Variants in PDHX observed in about 807,000 individuals in gnomAD.
PDHX encodes the protein pyruvate dehydrogenase complex component X, also known as pyruvate dehydrogenase protein X component, mitochondrial.
PDHX carries 33 observed loss-of-function variants against 55.3 expected under a neutral mutation model. The ratio of observed to expected loss-of-function variants is 0.60; its 90% CI spans 0.45 to 0.80. The LOEUF is 0.80. Ranked by LOEUF, PDHX falls within the 30% of genes least tolerant of loss-of-function variation. The probability of loss-of-function intolerance (pLI) is 0.00; values close to 1 mark genes in which losing one functional copy is unlikely to be tolerated. For synonymous variants in PDHX, 226 were observed against 219.4 expected (o/e 1.03, Z -0.27); for missense variants, 622 against 619.9 (o/e 1.00, Z -0.04).
At chr11:34,979,715 T>C (rs1855466282) in intron 8 of PDHX, among the ~76,000 whole-genome samples, 1 of 152,148 alleles carries the variant, frequency 6.6e-6, no homozygotes, top group Non-Finnish European at 1.5e-5. Context: ...TAATTGTGAA[T>C]CATTTTTGCA....
chr11:34,967,990 C>G (rs903051244), intron 6 of PDHX, among the ~76,000 whole-genome samples: 1 of 152,090 alleles, frequency 6.6e-6, no homozygotes, highest in African/African-American at 2.4e-5. Context: ...TTATTCAAGG[C>G]TGGGTGTGGT....
Position 34,992,434 on chromosome 11 carries a change from A to C in PDHX, c.1247+55A>C, listed in dbSNP as rs1855774854. The C allele has an allele frequency of 3.3e-6, 3 of 896,852 alleles. No homozygotes were observed. The South Asian group carries it at 4.1e-5, about 12-fold the overall frequency. The allele number at this position is 896,852 out of a possible 1,614,324, so 55.6% of individuals were successfully genotyped here. A position where few individuals can be genotyped will look rare whatever the true frequency, so the allele number is the denominator to read the frequency against. On this transcript the variant is annotated intron_variant, in intron 10 of 10. Coordinates refer to ENST00000227868, the MANE Select transcript of PDHX (RefSeq NM_003477.3). ...CATCAAACAGATAGATGTAAGACTT[A>C]TAAAGTCCCTGTCAGCCTTTCATTT...
At chr11:34,917,254 G>A (rs1853749851) in intron 1 of PDHX, among the ~76,000 whole-genome samples, 1 of 152,178 alleles carries the variant, frequency 6.6e-6, no homozygotes, top group Admixed American at 6.5e-5. Flanking sequence ...CTGTTAGGAG[G>A]TGTTTTCATT....
At chr11:34,932,734 G>T (rs749990441) in intron 2 of PDHX, among the ~76,000 whole-genome samples, 5 of 152,102 alleles carry the variant, frequency 3.3e-5, no homozygotes, top group African/African-American at 1.2e-4. Flanking sequence ...GCTCTACTTC[G>T]AGGGATTTGT....
intron 3 of PDHX, among the ~76,000 whole-genome samples, chr11:34,952,370 G>A (rs374170535): frequency 2.0e-5 from 3 of 151,936 alleles, no homozygotes; most frequent in Non-Finnish European, 2.9e-5. Flanking sequence ...TACCAAAGCC[G>A]GGCAGAGACA....
At chr11:34,985,466 G>C (rs1325233922) in intron 9 of PDHX, among the ~76,000 whole-genome samples, 1 of 152,172 alleles carries the variant, frequency 6.6e-6, no homozygotes, top group East Asian at 1.9e-4. Flanking sequence ...TAATGTTCCA[G>C]AGGCAAAGTT....
Position 34,960,315 on chromosome 11 carries a change from T to G in PDHX, c.543-105T>G, listed in dbSNP as rs888242649. 8.0e-6 allele frequency: 6 copies of G among 751,732 alleles called. No individual in the cohort carries two copies. The African/African-American group carries it at 1.0e-4, about 13-fold the overall frequency. The allele number at this position is 751,732 out of a possible 1,614,324, so 46.6% of individuals were successfully genotyped here. The stretch of plus-strand genomic sequence containing the variant: ...TCTGTGGGAGTCATTTTAGCTTTAT[T>G]ATAAGATTTTTTTTTAATTATTTGC... On this transcript the variant is annotated intron_variant, in intron 4 of 10. Coordinates refer to ENST00000227868, the MANE Select transcript of PDHX (RefSeq NM_003477.3).
intron 8 of PDHX, 75 bp downstream of exon 8, chr11:34,978,257 A>T (rs984537219): frequency 6.9e-6 from 6 of 863,460 alleles, no homozygotes; most frequent in Non-Finnish European, 1.2e-5. Context: ...TGACAAATAG[A>T]ACTCTTATTT....
rs1189314248 is a variant in PDHX, at chr11:34,916,697, G to T, written c.42G>T (p.Leu14=). The change falls in exon 1 of 11, where the codon CTG becomes CTT. Residue 14 remains leucine, a synonymous_variant. Coordinates refer to ENST00000227868, the MANE Select transcript of PDHX (RefSeq NM_003477.3). The part of the protein sequence containing the change: ...SWRLGCDPRL[L]RYLVGFPGRR... ...GGCTGGGCTGTGATCCGCGGCTGCT[G>T]CGTTATCTTGTGGGCTTCCCCGGCC... The T allele has an allele frequency of 6.2e-7, 1 of 1,612,638 alleles. No individual in the cohort carries two copies. The highest frequency in any genetic ancestry group is 2.2e-5 in the East Asian group (1 of 44,870).
rs148297368 is a variant in PDHX at position 34,972,323 on chromosome 11, T to A, written c.964+2037T>A. ...TTGGATCATTTATTTGAGACCTTTA[T>A]TTTTTAATATAAGCATATAGTACTC... is the stretch of plus-strand genomic sequence containing the variant. On this transcript the variant is annotated intron_variant, in intron 7 of 10. Transcript: ENST00000227868. Among the ~76,000 whole-genome samples, 532 of 152,252 alleles carry A rather than the reference T, an allele frequency of 3.5e-3. 4 individuals carry two copies. The highest frequency in any genetic ancestry group is 0.012 in the African/African-American group (492 of 41,548).
chr11:34,925,533 G>A lies in PDHX; in HGVS notation c.161-5871G>A, dbSNP rs879268909. The stretch of plus-strand genomic sequence containing the variant: ...AGCAAACAGCACATTTTTAAACTTA[G>A]TGTTAGTTAAGTTTGAAAGAGGAAG... On this transcript the variant is annotated intron_variant, in intron 1 of 10. Coordinates refer to ENST00000227868, the MANE Select transcript of PDHX (RefSeq NM_003477.3). 1.2e-3 allele frequency among the ~76,000 whole-genome samples: 177 copies of A among 152,178 alleles called. 2 individuals carry two copies. Among genetic ancestry groups the A allele is most frequent in the East Asian group, 3.5e-3 (18 of 5,188 alleles).
chr11:34,960,233 G>A (rs992685909), intron 4 of PDHX, among the ~76,000 whole-genome samples, 187 bp from the exon 5 acceptor site: 2 of 152,056 alleles, frequency 1.3e-5, no homozygotes, highest in South Asian at 2.1e-4. Flanking sequence ...AAATTTTTAC[G>A]AAAGTGTTTA....
intron 3 of PDHX, among the ~76,000 whole-genome samples, chr11:34,956,870 C>G (rs1854915301): frequency 6.6e-6 from 1 of 152,112 alleles, no homozygotes; most frequent in Non-Finnish European, 1.5e-5. Context: ...CCAGTTCTAT[C>G]TATACATTAG....
intron 8 of PDHX, among the ~76,000 whole-genome samples, chr11:34,983,297 A>G (rs1419324544): frequency 6.6e-6 from 1 of 152,198 alleles, no homozygotes; most frequent in Non-Finnish European, 1.5e-5. Context: ...CCTATTTTTG[A>G]CAAACCCACA....
intron 2 of PDHX, among the ~76,000 whole-genome samples, chr11:34,934,528 T>TG (rs1854258925): frequency 6.6e-6 from 1 of 150,942 alleles, no homozygotes; most frequent in African/African-American, 2.4e-5. Context: ...ACAAAACACA[T>TG]GCGGACATTT....
At chr11:34,927,609 T>C (rs1040424389) in intron 1 of PDHX, among the ~76,000 whole-genome samples, 1 of 152,002 alleles carries the variant, frequency 6.6e-6, no homozygotes, top group Non-Finnish European at 1.5e-5. Context: ...ATCAGAAAAA[T>C]ACGTCTGGAA....
chr11:34,925,420 C>T lies in PDHX; in HGVS notation c.161-5984C>T, dbSNP rs143014945. Among the ~76,000 whole-genome samples, 166 of 152,242 alleles carry T rather than the reference C, an allele frequency of 1.1e-3. 2 individuals carry two copies. The highest frequency in any genetic ancestry group is 3.7e-3 in the African/African-American group (152 of 41,560). On this transcript the variant is annotated intron_variant, in intron 1 of 10. Transcript: ENST00000227868. ...CTAGGGTCTCTTTAATTGATTATTA[C>T]GTATCTATTTACTTTTCTGCTTCCA...
chr11:34,923,873 A>G (rs1473603196), intron 1 of PDHX, among the ~76,000 whole-genome samples: 1 of 152,226 alleles, frequency 6.6e-6, no homozygotes, highest in Non-Finnish European at 1.5e-5. Context: ...AACATTTGCC[A>G]GTGATTTTAA....
intron 7 of PDHX, among the ~76,000 whole-genome samples, chr11:34,973,872 G>A (rs1315116418): frequency 9.7e-6 from 1 of 102,950 alleles, no homozygotes; most frequent in African/African-American, 3.7e-5. Flanking sequence ...TAGAATTAAA[G>A]TGCTGTCTGC....
Sources: gnomAD v4.1 joint callset for allele counts (sites outside exome capture counted in the v4.1 genomes callset) on GRCh38, gnomAD v4.1.1 for gene constraint, MANE v1.5 for transcripts, NCBI Gene and HGNC (gene_info 2026-07-23, HGNC 2026-07-21) for gene names.